The following TNNI3K variants were observed in gnomAD, a reference collection of about 807,000 sequenced individuals.
TNNI3K encodes the protein TNNI3 interacting kinase, also known as serine/threonine-protein kinase TNNI3K.
Under a neutral mutation model 114.5 loss-of-function variants are expected in TNNI3K, and 140 were observed. The observed-to-expected ratio is 1.22, with a 90% confidence interval of 1.07 to 1.41. The LOEUF is 1.41. Ranked by LOEUF, TNNI3K falls within the 40% of genes most tolerant of loss-of-function variation. The probability of loss-of-function intolerance (pLI) is 0.00; values close to 1 mark genes in which losing one functional copy is unlikely to be tolerated. For missense variants in TNNI3K, 1,125 were observed against 1,007.6 expected (o/e 1.12, Z -1.58); for synonymous variants, 347 against 347.5 (o/e 1.00, Z 0.02).
intron 23 of TNNI3K, among the ~76,000 whole-genome samples, chr1:74,518,113 G>C (rs539542347): frequency 5.9e-4 from 90 of 152,268 alleles, no homozygotes; most frequent in Non-Finnish European, 9.7e-4. Flanking sequence ...GGACCAGGAG[G>C]TTCCCAGGTA....
At chr1:74,302,479 G>A (rs886899468) in intron 5 of TNNI3K, among the ~76,000 whole-genome samples, 1 of 152,212 alleles carries the variant, frequency 6.6e-6, no homozygotes, top group Non-Finnish European at 1.5e-5. Context: ...TAGGCCAAAA[G>A]GTAGGCCTCT....
At chr1:74,528,522 G>A (rs1328982015) in intron 23 of TNNI3K, among the ~76,000 whole-genome samples, 6 of 152,156 alleles carry the variant, frequency 3.9e-5, no homozygotes, top group Non-Finnish European at 7.4e-5. Context: ...ACAGCAATGG[G>A]AGATTTGTAC....
At chr1:74,411,883 G>A (rs1420762383) in intron 17 of TNNI3K, among the ~76,000 whole-genome samples, 3 of 152,090 alleles carry the variant, frequency 2.0e-5, no homozygotes, top group Non-Finnish European at 4.4e-5. Context: ...TGTAGACATG[G>A]GAGAAGGGGC....
In TNNI3K at chr1:74,493,852, T is replaced by C. The variant is rs543835427; in HGVS notation, c.2351+1586T>C. On this transcript the variant is annotated intron_variant, in intron 23 of 24. Transcript: ENST00000326637. ...AGTTGTATCCTCTGACAACATTCCA[T>C]TGGCAAGTTTCACAGCTGACTTCAA... is the stretch of plus-strand genomic sequence containing the variant. Among the ~76,000 whole-genome samples, 7 of 152,322 alleles carry C rather than the reference T, an allele frequency of 4.6e-5. No homozygotes were observed. The South Asian group carries it at 6.2e-4, about 14-fold the overall frequency.
At chr1:74,487,433 G>A (rs2100285555) in intron 21 of TNNI3K, among the ~76,000 whole-genome samples, 2 of 152,266 alleles carry the variant, frequency 1.3e-5, no homozygotes, top group South Asian at 2.1e-4. Context: ...ATATGTAATA[G>A]GCTCTCTGAA....
chr1:74,321,942 G>A (rs1018775530), intron 5 of TNNI3K, among the ~76,000 whole-genome samples: 3 of 151,950 alleles, frequency 2.0e-5, no homozygotes, highest in African/African-American at 2.4e-5. Context: ...CTCAGCTAAC[G>A]TTTGTAATGG....
chr1:74,391,248 A>G (rs1321761274), intron 17 of TNNI3K, among the ~76,000 whole-genome samples: 1 of 152,230 alleles, frequency 6.6e-6, no homozygotes, highest in Admixed American at 6.5e-5. Context: ...TTATTAGATT[A>G]ATACTAGAAT....
chr1:74,532,212 T>C (rs561327889), intron 23 of TNNI3K, among the ~76,000 whole-genome samples: 2 of 152,334 alleles, frequency 1.3e-5, no homozygotes, highest in East Asian at 1.9e-4. Flanking sequence ...TGTTTTAGCA[T>C]CATAGCAAGG....
chr1:74,262,541 G>GA lies in TNNI3K; in HGVS notation c.334-9047dup, dbSNP rs45482796. ...AGATAGTAATAAGAAATAATTTGAA[G>GA]AAAAAAAAAACTCAAAAAAAAAAGA... On this transcript the variant is annotated intron_variant, in intron 4 of 24. Transcript: ENST00000326637. 4.8e-3 allele frequency among the ~76,000 whole-genome samples: 657 copies of GA among 137,432 alleles called. 4 individuals are homozygous for GA. Among genetic ancestry groups the GA allele is most frequent in the Admixed American group, 7.6e-3 (105 of 13,844 alleles). 90.2% of individuals were successfully genotyped at this position (137,432 alleles called of 152,430 possible). A position where few individuals can be genotyped will look rare whatever the true frequency, so the allele number is the denominator to read the frequency against.
At chr1:74,287,881 C>G (rs76100624) in intron 5 of TNNI3K, among the ~76,000 whole-genome samples, 11,399 of 151,966 alleles carry the variant, frequency 0.075, 533 homozygotes, top group African/African-American at 0.13. Flanking sequence ...AACTCAGCAA[C>G]TCAGTAAAAG....
Position 74,348,035 on chromosome 1 carries a change from T to C in TNNI3K, c.932+4856T>C, listed in dbSNP as rs577337335. Among the ~76,000 whole-genome samples the C allele has an allele frequency of 4.7e-3, 714 of 151,726 alleles. 3 individuals are homozygous for C. Among genetic ancestry groups the C allele is most frequent in the Non-Finnish European group, 7.4e-3 (503 of 67,654 alleles). On this transcript the variant is annotated intron_variant, in intron 9 of 24. Coordinates refer to ENST00000326637, the MANE Select transcript of TNNI3K (RefSeq NM_015978.3). ...CATTTGTCAATTTTGGCTTTTGTTG[T>C]CATTGCTTTTGGTGTTTTAGACATG...
At chr1:74,445,397 A>T (rs1424991608) in intron 20 of TNNI3K, among the ~76,000 whole-genome samples, 6 of 101,260 alleles carry the variant, frequency 5.9e-5, no homozygotes, top group Non-Finnish European at 9.3e-5. Context: ...CAGTCCCCAG[A>T]GTGTGATATT....
intron 5 of TNNI3K, among the ~76,000 whole-genome samples, chr1:74,298,055 G>T (rs1658100472): frequency 6.6e-6 from 1 of 151,976 alleles, no homozygotes; most frequent in Admixed American, 6.6e-5. Context: ...ACCACACTAT[G>T]CTCAGATTTC....
At chr1:74,542,218 G>A (rs188615279) in intron 24 of TNNI3K, among the ~76,000 whole-genome samples, 1 of 152,076 alleles carries the variant, frequency 6.6e-6, no homozygotes, top group South Asian at 2.1e-4. Flanking sequence ...CCACCCTTTG[G>A]GGACATATGT....
At chr1:74,492,319 T>C in intron 23 of TNNI3K, 53 bp downstream of exon 23, 3 of 1,410,094 alleles carry the variant, frequency 2.1e-6, no homozygotes, top group East Asian at 4.8e-5. Context: ...CAGAATCTTA[T>C]CAAGACAGTC....
chr1:74,362,411 C>T (rs939690653), intron 11 of TNNI3K, among the ~76,000 whole-genome samples: 16 of 152,020 alleles, frequency 1.1e-4, no homozygotes, highest in African/African-American at 1.4e-4. Flanking sequence ...TCTATACAGC[C>T]GTGAACCCAA....
intron 5 of TNNI3K, among the ~76,000 whole-genome samples, chr1:74,326,598 A>G (rs1320769835): frequency 2.0e-5 from 3 of 152,218 alleles, no homozygotes; most frequent in Admixed American, 1.3e-4. Flanking sequence ...ACTTTGGAAC[A>G]TAAGTTTAAA....
At chr1:74,435,557 A>G (rs1666083772) in intron 17 of TNNI3K, among the ~76,000 whole-genome samples, 1 of 151,978 alleles carries the variant, frequency 6.6e-6, no homozygotes, top group Non-Finnish European at 1.5e-5. Context: ...AGTTGGCATC[A>G]TTTCACAGAT....
At chr1:74,487,817 A>G (rs1219581276) in intron 21 of TNNI3K, among the ~76,000 whole-genome samples, 2 of 152,194 alleles carry the variant, frequency 1.3e-5, no homozygotes, top group African/African-American at 4.8e-5. Context: ...AATGGCTTCC[A>G]AGTACCAGTG....
Sources: gnomAD v4.1 joint callset for allele counts (sites outside exome capture counted in the v4.1 genomes callset) on GRCh38, gnomAD v4.1.1 for gene constraint, MANE v1.5 for transcripts, NCBI Gene and HGNC (gene_info 2026-07-23, HGNC 2026-07-21) for gene names.